SEM1: variants seen among roughly 807,000 people sequenced by gnomAD.
SEM1 encodes the protein SEM1 26S proteasome subunit.
A neutral mutation model predicts 12.7 loss-of-function variants in SEM1; 3 were observed. That is an observed-to-expected ratio of 0.24 (90% CI 0.11 to 0.61). SEM1 has a LOEUF of 0.61. Ranked by LOEUF, SEM1 falls within the 20% of genes least tolerant of loss-of-function variation. SEM1 has a pLI of 0.88. For synonymous variants in SEM1, 30 were observed against 27.8 expected (o/e 1.08, Z -0.25); for missense variants, 59 against 81.3 (o/e 0.73, Z 1.06).
chr7:96,636,802 C>T (rs1485712487), intron 2 of SEM1, among the ~76,000 whole-genome samples: 1 of 152,010 alleles, frequency 6.6e-6, no homozygotes, highest in Non-Finnish European at 1.5e-5. Context: ...CACCACTCCT[C>T]TCTGTTTTAC....
At chr7:96,531,600 T>C (rs1200622645) in intron 2 of SEM1, among the ~76,000 whole-genome samples, 2 of 70,664 alleles carry the variant, frequency 2.8e-5, no homozygotes, top group African/African-American at 7.4e-5. Context: ...AGTGAGACTC[T>C]GTGTGGAAAA....
chr7:96,672,746 C>T (rs1789350292), downstream of SEM1: 1 of 152,186 alleles, frequency 6.6e-6, no homozygotes, highest in African/African-American at 2.4e-5. Context: ...CTGTCCTGCC[C>T]CTGCAAGATG....
chr7:96,688,107 T>C (rs576231920), downstream of SEM1: 16 of 152,268 alleles, frequency 1.1e-4, no homozygotes, highest in Admixed American at 9.2e-4. Flanking sequence ...TCCTAAAAAA[T>C]ACCCCGTACA....
intron 2 of SEM1, chr7:96,647,359 T>G (rs1025501540): frequency 6.6e-6 from 1 of 152,244 alleles, no homozygotes; most frequent in Non-Finnish European, 1.5e-5. Flanking sequence ...ATCTTAGCTA[T>G]AATTATTATT....
chr7:96,630,651 G>A (rs1275299768), intron 2 of SEM1, among the ~76,000 whole-genome samples: 1 of 152,172 alleles, frequency 6.6e-6, no homozygotes, highest in Admixed American at 6.6e-5. Context: ...CACCTAAGGT[G>A]CAAGACAAAG....
At chr7:96,537,228 G>T (rs1308503341) in intron 2 of SEM1, among the ~76,000 whole-genome samples, 1 of 151,556 alleles carries the variant, frequency 6.6e-6, no homozygotes, top group Non-Finnish European at 1.5e-5. Context: ...TGACATTGTT[G>T]TCATTCACTT....
At chr7:96,600,277 GA>G (rs1361608981) in intron 2 of SEM1, among the ~76,000 whole-genome samples, 1 of 152,132 alleles carries the variant, frequency 6.6e-6, no homozygotes, top group Non-Finnish European at 1.5e-5. Context: ...GAATTTTAAA[GA>G]ATGTTTTGGA....
chr7:96,513,105 T>A (rs1302865427), intron 2 of SEM1, among the ~76,000 whole-genome samples: 1 of 152,076 alleles, frequency 6.6e-6, no homozygotes, highest in Non-Finnish European at 1.5e-5. Context: ...AATATAACCG[T>A]GTCCTTATAA....
intron 3 of SEM1, among the ~76,000 whole-genome samples, chr7:96,505,220 G>T (rs993446779): frequency 2.0e-4 from 31 of 151,930 alleles, no homozygotes; most frequent in African/African-American, 7.0e-4. Context: ...TTCTGCCTCA[G>T]CCTCCCAAGT....
At chr7:96,672,797 C>T (rs972927263), downstream of SEM1, 1 of 152,240 alleles carries the variant, frequency 6.6e-6, no homozygotes, top group Non-Finnish European at 1.5e-5. Context: ...CACCTGGTCA[C>T]CAGGGTCCTT....
At chr7:96,708,483 T>A (rs553423185) in intron 1 of SEM1, among the ~76,000 whole-genome samples, 3 of 152,364 alleles carry the variant, frequency 2.0e-5, no homozygotes, top group Admixed American at 1.3e-4. Context: ...TAGTAATTGC[T>A]TGATGCAACA....
At chr7:96,494,548 G>A (rs1803162440) in intron 1 of SEM1, among the ~76,000 whole-genome samples, 1 of 152,084 alleles carries the variant, frequency 6.6e-6, no homozygotes, top group Non-Finnish European at 1.5e-5. Flanking sequence ...TTTTCTGTAA[G>A]CAGACATGAC....
chr7:96,551,567 T>C (rs901625277), intron 2 of SEM1, among the ~76,000 whole-genome samples: 5 of 151,926 alleles, frequency 3.3e-5, no homozygotes, highest in Admixed American at 2.0e-4. Flanking sequence ...TAGCCAGGCA[T>C]GGTGGTGTGC....
chr7:96,603,213 C>G (rs540327681), intron 2 of SEM1, among the ~76,000 whole-genome samples: 11 of 152,268 alleles, frequency 7.2e-5, no homozygotes, highest in Admixed American at 3.9e-4. Context: ...CAAATATACC[C>G]TCCTGCTCTG....
intron 2 of SEM1, among the ~76,000 whole-genome samples, chr7:96,666,079 G>A (rs1402816410): frequency 6.6e-6 from 1 of 152,182 alleles, no homozygotes; most frequent in Admixed American, 6.5e-5. Context: ...ATGTGGATAA[G>A]GACCTGCTTA....
chr7:96,693,759 CTT>C (rs1491213359), intron 2 of SEM1, among the ~76,000 whole-genome samples: 27 of 108,688 alleles, frequency 2.5e-4, no homozygotes, highest in Admixed American at 1.9e-3. Flanking sequence ...AACAATTCCA[CTT>C]GTGTGTGTGT....
chr7:96,534,749 C>CACTT (rs1442295419), intron 2 of SEM1, among the ~76,000 whole-genome samples: 1 of 151,982 alleles, frequency 6.6e-6, no homozygotes, highest in African/African-American at 2.4e-5. Context: ...TGTGAGAATC[C>CACTT]ACTTACCTTG....
At chr7:96,633,874 G>A (rs996291764) in intron 2 of SEM1, among the ~76,000 whole-genome samples, 1 of 152,058 alleles carries the variant, frequency 6.6e-6, no homozygotes, top group Non-Finnish European at 1.5e-5. Flanking sequence ...ATAATAGACT[G>A]CCTAGAAAAT....
At chr7:96,709,260 A>G (rs958651200) in intron 1 of SEM1, among the ~76,000 whole-genome samples, 2 of 152,228 alleles carry the variant, frequency 1.3e-5, no homozygotes, top group Admixed American at 6.5e-5. Flanking sequence ...GTAACATCCT[A>G]AAAGTTAAGC....
Sources: allele counts gnomAD v4.1 joint callset (sites outside exome capture counted in the v4.1 genomes callset), GRCh38; gene constraint gnomAD v4.1.1; transcripts MANE v1.5; gene names NCBI Gene and HGNC (gene_info 2026-07-23, HGNC 2026-07-21).